SAMD5: variants seen among roughly 807,000 people sequenced by gnomAD.
SAMD5 encodes the protein sterile alpha motif domain containing 5.
In SAMD5, 13 loss-of-function variants were observed where a neutral mutation model predicts 11.3. The ratio of observed to expected loss-of-function variants is 1.15; its 90% CI spans 0.75 to 1.83. SAMD5 has a LOEUF of 1.83. SAMD5 is among the 40% of genes most tolerant of loss of function. SAMD5 has a pLI of 0.00. For synonymous variants in SAMD5, 129 were observed against 111.3 expected (o/e 1.16, Z -1.00); for missense variants, 255 against 239.1 (o/e 1.07, Z -0.44).
At chr6:147,608,442 G>C (rs1185017010) in intron 1 of SAMD5, among the ~76,000 whole-genome samples, 1 of 152,166 alleles carries the variant, frequency 6.6e-6, no homozygotes, top group African/African-American at 2.4e-5. Context: ...TATACACAAT[G>C]GAGTACTATT....
the SAMD5 span, among the ~76,000 whole-genome samples, chr6:147,948,718 G>T: frequency 1.3e-5 from 2 of 152,028 alleles, no homozygotes; most frequent in Non-Finnish European, 2.9e-5. Flanking sequence ...TTGGGGGAAG[G>T]GTTCTTTTTT....
chr6:147,592,365 G>C (rs1308778605), intron 1 of SAMD5, among the ~76,000 whole-genome samples: 2 of 152,116 alleles, frequency 1.3e-5, no homozygotes, highest in African/African-American at 4.8e-5. Context: ...AGTAGGGTCA[G>C]TCCAGGGAAA....
chr6:147,585,143 A>G (rs529252564), intron 1 of SAMD5, among the ~76,000 whole-genome samples: 1 of 152,280 alleles, frequency 6.6e-6, no homozygotes, highest in African/African-American at 2.4e-5. Context: ...CAGGCAAAAG[A>G]TTGAGACCCA....
In SAMD5 at chr6:147,653,456, G is replaced by T. The variant is rs142598427; in HGVS notation, c.163-83861G>T. Among the ~76,000 whole-genome samples the T allele has an allele frequency of 1.7e-4, 26 of 152,260 alleles. No homozygotes were observed. In the East Asian group the frequency reaches 4.6e-3, roughly 27 times the overall value. On this transcript the variant is annotated intron_variant, in intron 1 of 1. Transcript: ENST00000566741. ...TCACACATCCATATGCATGTTATCC[G>T]TGGCTCCGTCGAGCAGTCCTCCTCT...
the SAMD5 span, among the ~76,000 whole-genome samples, chr6:147,813,851 T>C: frequency 1.3e-5 from 2 of 152,264 alleles, no homozygotes; most frequent in Admixed American, 1.3e-4. Flanking sequence ...TCCATGTCTA[T>C]ATTTTAATTG....
At chr6:147,734,711 T>TAAAAAAAAAAAAAAAAAAAAAAAAAAAA (rs61482319) in intron 1 of SAMD5, among the ~76,000 whole-genome samples, 1 of 26,100 alleles carries the variant, frequency 3.8e-5, no homozygotes, top group African/African-American at 9.3e-5. Context: ...AGACTCCATC[T>TAAAAAAAAAAAAAAAAAAAAAAAAAAAA]AAAAAAAAAA....
At chr6:147,551,721 A>T (rs1241308434) in intron 1 of SAMD5, among the ~76,000 whole-genome samples, 1 of 151,202 alleles carries the variant, frequency 6.6e-6, no homozygotes, top group East Asian at 1.9e-4. Flanking sequence ...GTAATGTGAA[A>T]GGTTATTTTT....
the SAMD5 span, among the ~76,000 whole-genome samples, chr6:147,951,659 T>G: frequency 6.6e-6 from 1 of 152,100 alleles, no homozygotes; most frequent in Admixed American, 6.5e-5. Context: ...AAAATGATAT[T>G]TATTTTATTT....
chr6:147,603,821 C>T lies in SAMD5; in HGVS notation c.162+94434C>T, dbSNP rs1479986372. ...AACAACAACAACAACAAAAAACAAG[C>T]TATCTTCCTTACTGGGAGCTGGAGG... is the stretch of plus-strand genomic sequence containing the variant. On this transcript the variant is annotated intron_variant, in intron 1 of 1. Coordinates refer to the SAMD5 transcript ENST00000566741. Among the ~76,000 whole-genome samples the T allele has an allele frequency of 2.0e-5, 3 of 152,072 alleles. No homozygotes were observed. The East Asian group carries it at 5.8e-4, about 29-fold the overall frequency.
Position 147,566,400 on chromosome 6 carries a change from T to C in SAMD5, c.*1944T>C, listed in dbSNP as rs1283343998. 2 of 985,096 alleles carry C rather than the reference T, an allele frequency of 2.0e-6. No homozygotes were observed. The highest frequency in any genetic ancestry group is 1.7e-5 in the African/African-American group (1 of 57,228). The allele number at this position is 985,096 out of a possible 1,614,324, so 61.0% of individuals were successfully genotyped here. On this transcript the variant is annotated 3_prime_UTR_variant, in exon 2 of 2. Coordinates refer to ENST00000367474, the MANE Select transcript of SAMD5 (RefSeq NM_001030060.3). ...ATAATTTATTGTGATAACAAATGGCTTCCTGTTTGACCTCATTTCCAGGTG... is the reference window on the plus strand; with the variant it reads ...ATAATTTATTGTGATAACAAATGGCCTCCTGTTTGACCTCATTTCCAGGTG...
the SAMD5 span, among the ~76,000 whole-genome samples, chr6:147,911,624 GC>G: frequency 6.6e-6 from 1 of 151,706 alleles, no homozygotes; most frequent in Non-Finnish European, 1.5e-5. Flanking sequence ...GACCAAGATG[GC>G]CCTTTTGCAC....
chr6:147,906,609 T>C, the SAMD5 span, among the ~76,000 whole-genome samples: 1 of 152,230 alleles, frequency 6.6e-6, no homozygotes. Context: ...GGACAGCTGC[T>C]GGAAGAGGCA....
At chr6:147,526,956 G>T (rs1352782954) in intron 1 of SAMD5, among the ~76,000 whole-genome samples, 2 of 152,140 alleles carry the variant, frequency 1.3e-5, no homozygotes, top group African/African-American at 4.8e-5. Context: ...ATTTAATGAA[G>T]CTCCTTCACA....
the SAMD5 span, among the ~76,000 whole-genome samples, chr6:147,760,228 G>T: frequency 6.6e-6 from 1 of 152,124 alleles, no homozygotes; most frequent in Admixed American, 6.5e-5. Context: ...TCATTTAAAT[G>T]ACAGGTCTCC....
At chr6:147,896,379 T>C in the SAMD5 span, among the ~76,000 whole-genome samples, 2,100 of 151,488 alleles carry the variant, frequency 0.014, 14 homozygotes, top group Non-Finnish European at 0.022. Context: ...GGGGCTGGGG[T>C]TGGGGGAGCT....
At chr6:147,574,420 C>T (rs1463589290), downstream of SAMD5, among the ~76,000 whole-genome samples, 1 of 152,114 alleles carries the variant, frequency 6.6e-6, no homozygotes, top group Non-Finnish European at 1.5e-5. Flanking sequence ...CTTTATTTAT[C>T]TTCTGTAGGG....
intron 1 of SAMD5, among the ~76,000 whole-genome samples, chr6:147,615,307 T>G (rs1382906459): frequency 6.6e-6 from 1 of 152,218 alleles, no homozygotes; most frequent in Non-Finnish European, 1.5e-5. Flanking sequence ...TTTTATAATT[T>G]ATATTTCTGG....
chr6:147,907,769 C>T, the SAMD5 span, among the ~76,000 whole-genome samples: 7 of 152,174 alleles, frequency 4.6e-5, no homozygotes, highest in Non-Finnish European at 1.0e-4. Context: ...ATTCCCAAGA[C>T]AGCAGCACAG....
chr6:147,643,325 A>T (rs1175783087), intron 1 of SAMD5, among the ~76,000 whole-genome samples: 1 of 152,176 alleles, frequency 6.6e-6, no homozygotes, highest in Non-Finnish European at 1.5e-5. Context: ...TGCCTTCCAC[A>T]GTTCTTTCAA....
Sources: gnomAD v4.1 joint callset for allele counts (sites outside exome capture counted in the v4.1 genomes callset) on GRCh38, gnomAD v4.1.1 for gene constraint, MANE v1.5 for transcripts, NCBI Gene and HGNC (gene_info 2026-07-23, HGNC 2026-07-21) for gene names.